Variants in MAPK10 observed in about 807,000 individuals in gnomAD.
The protein encoded by MAPK10 is JNK3 alpha protein kinase.
Under a neutral mutation model 59.3 loss-of-function variants are expected in MAPK10, and 25 were observed. The observed-to-expected ratio is 0.42, with a 90% CI of 0.31 to 0.59. The LOEUF is 0.59. Among genes scored for constraint, MAPK10 ranks in the 20% least tolerant of loss-of-function variants. MAPK10 has a pLI of 0.15. For synonymous variants in MAPK10, 190 were observed against 200.5 expected (o/e 0.95, Z 0.44); for missense variants, 351 against 568.9 (o/e 0.62, Z 3.90).
At chr4:86,099,553 T>C (rs1226276436) in intron 8 of MAPK10, 1 of 152,166 alleles carries the variant, frequency 6.6e-6, no homozygotes, top group Admixed American at 6.5e-5. Context: ...TTCTGCATGA[T>C]AACCTTCCTC....
chr4:86,387,383 C>G (rs1366093535), intron 1 of MAPK10, among the ~76,000 whole-genome samples: 1 of 152,170 alleles, frequency 6.6e-6, no homozygotes, highest in Non-Finnish European at 1.5e-5. Context: ...CTATAAAACT[C>G]AAAATAATCA....
intron 1 of MAPK10, among the ~76,000 whole-genome samples, chr4:86,475,450 C>A (rs79926538): frequency 1.3e-5 from 2 of 152,118 alleles, no homozygotes. Flanking sequence ...TCAATCTTGG[C>A]GCCACACTTC....
intron 2 of MAPK10, among the ~76,000 whole-genome samples, chr4:86,236,270 T>TA (rs965882799): frequency 2.6e-5 from 4 of 152,190 alleles, no homozygotes; most frequent in African/African-American, 9.7e-5. Flanking sequence ...AGTCTCTTTT[T>TA]ATCACATAAT....
chr4:86,097,727 A>G (rs527310590), intron 9 of MAPK10, among the ~76,000 whole-genome samples: 2 of 152,192 alleles, frequency 1.3e-5, no homozygotes, highest in South Asian at 2.1e-4. Context: ...ACAAATCTGT[A>G]CCTTTACTAG....
At chr4:86,495,588 T>C (rs1219667297) in intron 1 of MAPK10, among the ~76,000 whole-genome samples, 2 of 152,248 alleles carry the variant, frequency 1.3e-5, no homozygotes. Flanking sequence ...AATTGTCTCA[T>C]AAATATTACA....
intron 2 of MAPK10, among the ~76,000 whole-genome samples, chr4:86,223,353 T>C (rs1220451356): frequency 6.6e-6 from 1 of 152,130 alleles, no homozygotes; most frequent in Non-Finnish European, 1.5e-5. Context: ...GGATCACCTA[T>C]AATGGCCATA....
chr4:86,389,285 G>A (rs889126526), intron 1 of MAPK10, among the ~76,000 whole-genome samples: 4 of 152,168 alleles, frequency 2.6e-5, no homozygotes, highest in African/African-American at 4.8e-5. Context: ...CATGCTGCCC[G>A]TACAGCCTGC....
At chr4:86,242,564 A>G (rs2092800852) in intron 2 of MAPK10, among the ~76,000 whole-genome samples, 1 of 152,190 alleles carries the variant, frequency 6.6e-6, no homozygotes, top group Non-Finnish European at 1.5e-5. Context: ...GAGATCCTGC[A>G]GGGAAGATCC....
intron 2 of MAPK10, among the ~76,000 whole-genome samples, chr4:86,265,295 G>A (rs1365309387): frequency 6.6e-6 from 1 of 151,964 alleles, no homozygotes; most frequent in Non-Finnish European, 1.5e-5. Flanking sequence ...TATCACTTGA[G>A]GTCAGGAGTT....
At chr4:86,470,478 G>C (rs1752568042) in intron 1 of MAPK10, among the ~76,000 whole-genome samples, 1 of 151,970 alleles carries the variant, frequency 6.6e-6, no homozygotes, top group South Asian at 2.1e-4. Flanking sequence ...AATCATGTTT[G>C]ATTTAACTAA....
At chr4:86,227,304 G>A (rs931591971) in intron 2 of MAPK10, among the ~76,000 whole-genome samples, 6 of 151,912 alleles carry the variant, frequency 3.9e-5, no homozygotes, top group African/African-American at 9.7e-5. Context: ...TGGCTAACAC[G>A]GTGAAATCCC....
chr4:86,451,859 A>C (rs1170733293), intron 1 of MAPK10, among the ~76,000 whole-genome samples: 1 of 152,106 alleles, frequency 6.6e-6, no homozygotes, highest in Non-Finnish European at 1.5e-5. Context: ...AGGAGTTGAC[A>C]AAAAAAGACA....
intron 2 of MAPK10, among the ~76,000 whole-genome samples, chr4:86,249,280 C>T (rs565525665): frequency 6.6e-6 from 1 of 152,142 alleles, no homozygotes; most frequent in Non-Finnish European, 1.5e-5. Flanking sequence ...TGGGTGGCTG[C>T]TAGCATTGGT....
chr4:86,225,018 A>G (rs188215861), intron 2 of MAPK10, among the ~76,000 whole-genome samples: 235 of 152,346 alleles, frequency 1.5e-3, no homozygotes, highest in Middle Eastern at 3.4e-3. Context: ...GTGTAAATTT[A>G]ACTGCTAAAG....
intron 1 of MAPK10, among the ~76,000 whole-genome samples, chr4:86,404,198 T>TC (rs1744075680): frequency 6.7e-6 from 1 of 150,024 alleles, no homozygotes; most frequent in Non-Finnish European, 1.5e-5. Flanking sequence ...AACAATATTC[T>TC]TTTTTTTTTC....
intron 1 of MAPK10, among the ~76,000 whole-genome samples, chr4:86,441,828 C>T (rs1749466310): frequency 6.6e-6 from 1 of 152,176 alleles, no homozygotes; most frequent in Non-Finnish European, 1.5e-5. Flanking sequence ...CCCATGGAAG[C>T]CTCTCCTGCT....
intron 2 of MAPK10, among the ~76,000 whole-genome samples, chr4:86,228,725 T>G (rs369752021): frequency 1.3e-5 from 2 of 152,224 alleles, no homozygotes; most frequent in Non-Finnish European, 2.9e-5. Flanking sequence ...GAAAGAAATA[T>G]CTGATCCATG....
intron 4 of MAPK10, among the ~76,000 whole-genome samples, chr4:86,133,339 T>C (rs1444319286): frequency 6.6e-6 from 1 of 152,208 alleles, no homozygotes; most frequent in Non-Finnish European, 1.5e-5. Flanking sequence ...GATTCTGTGG[T>C]ATTTATCAGC....
chr4:86,556,354 T>A lies in MAPK10; in HGVS notation c.-263+37556A>T, dbSNP rs76623825. Among the ~76,000 whole-genome samples, 502 of 152,328 alleles carry A rather than the reference T, an allele frequency of 3.3e-3. 7 individuals carry two copies. Among genetic ancestry groups the A allele is most frequent in the African/African-American group, 0.012 (487 of 41,572 alleles). On this transcript the variant is annotated intron_variant, in intron 1 of 4. Transcript: ENST00000502302. ...GTAAAACATTCTGAATACATCTTTG[T>A]TGAATTTTATTAAATGAAATGCTTT...
Sources: allele counts gnomAD v4.1 joint callset (sites outside exome capture counted in the v4.1 genomes callset), GRCh38; gene constraint gnomAD v4.1.1; transcripts MANE v1.5; gene names NCBI Gene and HGNC (gene_info 2026-07-23, HGNC 2026-07-21).